Variants in VPS50 observed in about 807,000 individuals in gnomAD.
VPS50 encodes the protein syndetin.
A neutral mutation model predicts 139.7 loss-of-function variants in VPS50; 70 were observed. That is an observed-to-expected ratio of 0.50 (90% confidence interval 0.41 to 0.61). VPS50 has a LOEUF of 0.61. Among genes scored for constraint, VPS50 ranks in the 20% least tolerant of loss-of-function variants. The pLI is 0.00. For synonymous variants in VPS50, 365 were observed against 376.7 expected, an observed-to-expected ratio of 0.97 and a Z score of 0.36; for missense variants, 921 against 1,133.7, an observed-to-expected ratio of 0.81 and a Z score of 2.69.
intron 19 of VPS50, among the ~76,000 whole-genome samples, chr7:93,309,842 T>C (rs1797215648): frequency 6.6e-6 from 1 of 151,990 alleles, no homozygotes. Flanking sequence ...ACTTTTTGCT[T>C]AATGATAGAT....
intron 12 of VPS50, among the ~76,000 whole-genome samples, chr7:93,279,772 A>G (rs1796268161): frequency 1.3e-5 from 2 of 152,204 alleles, no homozygotes; most frequent in Non-Finnish European, 2.9e-5. Flanking sequence ...GTGTTTAGTC[A>G]TACATAGAGC....
chr7:93,343,990 A>G (rs1798307283), intron 23 of VPS50, among the ~76,000 whole-genome samples: 1 of 152,196 alleles, frequency 6.6e-6, no homozygotes. Context: ...TATTAACTTT[A>G]AATGTAAATG....
At chr7:93,240,006 G>T in intron 2 of VPS50, 72 bp downstream of exon 2, 1 of 897,770 alleles carries the variant, frequency 1.1e-6, no homozygotes, top group South Asian at 1.4e-5. Context: ...GATAGTAATT[G>T]ATTCACAGAA....
intron 12 of VPS50, 40 bp downstream of exon 12, chr7:93,276,345 T>C (rs776437622): frequency 3.9e-6 from 6 of 1,552,314 alleles, no homozygotes; most frequent in Non-Finnish European, 5.3e-6. Context: ...ATCTCTCCTT[T>C]AGATTTTAAA....
intron 1 of VPS50, 98 bp downstream of exon 1, chr7:93,232,598 T>C (rs1373047750): frequency 1.8e-6 from 2 of 1,095,878 alleles, no homozygotes; most frequent in Non-Finnish European, 2.8e-6. Flanking sequence ...GGATCTAAGT[T>C]ATGGGTGGTG....
chr7:93,301,419 T>A (rs1258806936), intron 16 of VPS50, among the ~76,000 whole-genome samples: 1 of 152,214 alleles, frequency 6.6e-6, no homozygotes, highest in African/African-American at 2.4e-5. Flanking sequence ...GAACCAACTT[T>A]GTAACTGCGT....
Position 93,308,946 on chromosome 7 carries a change from A to G in VPS50, c.1748+4A>G. 7.0e-7 allele frequency: 1 copy of G among 1,425,832 alleles called. No homozygotes were observed. Among genetic ancestry groups the G allele is most frequent in the Non-Finnish European group, 9.9e-7 (1 of 1,010,648 alleles). 88.3% of individuals were successfully genotyped at this position (1,425,832 alleles called of 1,614,324 possible). ...CAGGAGATGGTCCTGTGAAAAGGTG[A>G]TTGTTCTTAAATTGTGTGGTATTTA... On this transcript the variant is annotated splice_donor_region_variant and intron_variant, in intron 19 of 27. Transcript: ENST00000305866.
intron 17 of VPS50, among the ~76,000 whole-genome samples, chr7:93,304,633 T>C (rs560519132): frequency 1.1e-3 from 167 of 152,010 alleles, no homozygotes; most frequent in African/African-American, 3.9e-3. Context: ...TTTGAACTCC[T>C]TTTTAACCAT....
At chr7:93,295,006 G>A (rs1796766797) in intron 14 of VPS50, among the ~76,000 whole-genome samples, 1 of 152,034 alleles carries the variant, frequency 6.6e-6, no homozygotes, top group South Asian at 2.1e-4. Context: ...TAGAAAAGGA[G>A]TAACTAAGTA....
In VPS50 at chr7:93,335,511, TTTGTTTAATCCTTGATCTTC is replaced by T. The variant is rs1337586551; in HGVS notation, c.2058+1315_2058+1334del. On this transcript the variant is annotated intron_variant, in intron 22 of 27. Transcript: ENST00000305866. ...TTGGCTTGTTTTTTTGGTTTTGATA[TTTGTTTAATCCTTGATCTTC>T]AATTTCAGAGTCAAGGCTCCTTATT... 7.9e-5 allele frequency among the ~76,000 whole-genome samples: 12 copies of T among 152,332 alleles called. No homozygotes were observed. In the East Asian group the frequency reaches 2.3e-3, roughly 29 times the overall value.
At chr7:93,315,571 G>A (rs1797401603) in intron 20 of VPS50, among the ~76,000 whole-genome samples, 1 of 152,142 alleles carries the variant, frequency 6.6e-6, no homozygotes, top group African/African-American at 2.4e-5. Context: ...CTTAGTCTCA[G>A]CAACACTGTG....
chr7:93,359,086 T>G lies in VPS50; in HGVS notation c.*650T>G, dbSNP rs3735650. On this transcript the variant is annotated 3_prime_UTR_variant, in exon 28 of 28. Coordinates refer to ENST00000305866, the MANE Select transcript of VPS50 (RefSeq NM_017667.4). ...CAGATGTCATGAACTATAGTGCAGC[T>G]TTTAGTGTGTTCTAATTTTAATTGT... The G allele has an allele frequency of 0.51, 76,733 of 151,908 alleles. 19,772 individuals are homozygous for G. The highest frequency in any genetic ancestry group is 0.73 in the East Asian group (3,785 of 5,162). The allele number at this position is 151,908 out of a possible 1,614,324, so 9.4% of individuals were successfully genotyped here. A position where few individuals can be genotyped will look rare whatever the true frequency, so the allele number is the denominator to read the frequency against.
At chr7:93,336,879 T>C (rs1251396469) in intron 22 of VPS50, among the ~76,000 whole-genome samples, 1 of 152,198 alleles carries the variant, frequency 6.6e-6, no homozygotes, top group Non-Finnish European at 1.5e-5. Flanking sequence ...TTCATAAATA[T>C]GAATTCTCTT....
intron 18 of VPS50, among the ~76,000 whole-genome samples, chr7:93,307,035 C>T (rs940387483): frequency 3.3e-5 from 5 of 151,694 alleles, no homozygotes; most frequent in African/African-American, 1.2e-4. Context: ...TAATATATCT[C>T]TCTATAAAAG....
chr7:93,359,857 G>C lies in VPS50; in HGVS notation c.*1421G>C, dbSNP rs960255063. 6 of 152,148 alleles carry C rather than the reference G, an allele frequency of 3.9e-5. No homozygotes were observed. Among genetic ancestry groups the C allele is most frequent in the Admixed American group, 1.3e-4 (2 of 15,258 alleles). The allele number at this position is 152,148 out of a possible 1,614,324, so 9.4% of individuals were successfully genotyped here. On this transcript the variant is annotated 3_prime_UTR_variant, in exon 28 of 28. Coordinates refer to ENST00000305866, the MANE Select transcript of VPS50 (RefSeq NM_017667.4). Reference sequence around the variant, plus strand: ...TGTGAAGCACTTTCAGAATATGTTTGTGTGTGTCTGTATGCTGAGTGTTTT... The same window carrying C: ...TGTGAAGCACTTTCAGAATATGTTTCTGTGTGTCTGTATGCTGAGTGTTTT...
In VPS50 at chr7:93,252,645, T is replaced by C; in HGVS notation, c.103-8T>C. 1 of 1,576,730 alleles carries C rather than the reference T, an allele frequency of 6.3e-7. No individual in the cohort carries two copies. Among genetic ancestry groups the C allele is most frequent in the Non-Finnish European group, 8.7e-7 (1 of 1,155,768 alleles). On this transcript the variant is annotated splice_polypyrimidine_tract_variant and splice_region_variant and intron_variant, in intron 2 of 27. Coordinates refer to ENST00000305866, the MANE Select transcript of VPS50 (RefSeq NM_017667.4). ...AATTACTATAATTGTGATTTTTTTT[T>C]CTTAAAGGAAGAATTCAGGGAACTT...
At chr7:93,257,584 T>C in intron 6 of VPS50, 120 bp downstream of exon 6, 1 of 598,486 alleles carries the variant, frequency 1.7e-6, no homozygotes, top group South Asian at 2.3e-5. Flanking sequence ...ATATCATTCC[T>C]TAAGTGAACA....
Position 93,296,798 on chromosome 7 carries a change from A to G in VPS50, c.1224A>G (p.Lys408=). Reference sequence around the variant, plus strand: ...TTGGAACTGATTTGTCTATATTCAAATATGATGATTTCATCTTTGTTTTGG... The same window carrying G: ...TTGGAACTGATTTGTCTATATTCAAGTATGATGATTTCATCTTTGTTTTGG... ...YLLGTDLSIF[K]YDDFIFVLDI... Residue 408 remains lysine (K), a synonymous_variant, in exon 15 of 28, where the codon AAA becomes AAG. Coordinates refer to ENST00000305866, the MANE Select transcript of VPS50 (RefSeq NM_017667.4). 8 of 1,605,818 alleles carry G rather than the reference A, an allele frequency of 5.0e-6. No homozygotes were observed. The highest frequency in any genetic ancestry group is 6.8e-6 in the Non-Finnish European group (8 of 1,178,334).
rs369896827 is a variant in VPS50, at chr7:93,284,539, TTA to T, written c.943-7162_943-7161del. ...ATTTATATCATACATATTACATGTCTTATGTGTATATACATATTTAGCATTAA... is the reference window on the plus strand; with the variant it reads ...ATTTATATCATACATATTACATGTCTTGTGTATATACATATTTAGCATTAA... On this transcript the variant is annotated intron_variant, in intron 12 of 27. Coordinates refer to ENST00000305866, the MANE Select transcript of VPS50 (RefSeq NM_017667.4). Among the ~76,000 whole-genome samples the T allele has an allele frequency of 5.1e-3, 778 of 152,342 alleles. 7 individuals are homozygous for T. The highest frequency in any genetic ancestry group is 0.017 in the African/African-American group (722 of 41,574).
Sources: allele counts gnomAD v4.1 joint callset (sites outside exome capture counted in the v4.1 genomes callset), GRCh38; gene constraint gnomAD v4.1.1; transcripts MANE v1.5; gene names NCBI Gene and HGNC (gene_info 2026-07-23, HGNC 2026-07-21).